Variants in FMNL2 observed in about 807,000 individuals in gnomAD.
FMNL2 encodes the protein formin like 2.
A neutral mutation model predicts 130.2 loss-of-function variants in FMNL2; 51 were observed. The ratio of observed to expected loss-of-function variants is 0.39; its 90% CI spans 0.31 to 0.49. FMNL2 has a LOEUF of 0.49. FMNL2 is among the 20% of genes least tolerant of loss of function. The pLI, the probability that FMNL2 is intolerant of heterozygous loss-of-function variation, is 0.85. For missense variants in FMNL2, 977 were observed against 1,316.2 expected, an observed-to-expected ratio of 0.74 and a Z score of 3.99; for synonymous variants, 465 against 467.1, an observed-to-expected ratio of 1.00 and a Z score of 0.06.
At chr2:152,471,183 C>T (rs185471191) in intron 1 of FMNL2, among the ~76,000 whole-genome samples, 37 of 151,406 alleles carry the variant, frequency 2.4e-4, no homozygotes, top group East Asian at 2.1e-3. Flanking sequence ...AAGTCCCGTA[C>T]GCTGTCGTTT....
At chr2:152,527,144 AG>A (rs1205086319) in intron 2 of FMNL2, among the ~76,000 whole-genome samples, 1 of 152,142 alleles carries the variant, frequency 6.6e-6, no homozygotes, top group Non-Finnish European at 1.5e-5. Context: ...CCTGTTTCCT[AG>A]GGGTGCCTTA....
At chr2:152,620,849 C>T (rs779972006) in intron 15 of FMNL2, 250 of 851,802 alleles carry the variant, frequency 2.9e-4, no homozygotes, top group Non-Finnish European at 3.3e-4. Context: ...TCCACCCCGA[C>T]TTCTATATAA....
intron 2 of FMNL2, among the ~76,000 whole-genome samples, chr2:152,525,807 G>A (rs1053924288): frequency 2.6e-5 from 4 of 152,174 alleles, no homozygotes. Flanking sequence ...AGCCGGAGCA[G>A]AGTCAGGCCA....
At chr2:152,490,782 A>G (rs1045541581) in intron 1 of FMNL2, among the ~76,000 whole-genome samples, 4 of 151,904 alleles carry the variant, frequency 2.6e-5, no homozygotes, top group Non-Finnish European at 5.9e-5. Flanking sequence ...CAAGTTATTT[A>G]TGGACCAGTG....
At chr2:152,552,350 T>A (rs73968065) in intron 4 of FMNL2, among the ~76,000 whole-genome samples, 1 of 152,168 alleles carries the variant, frequency 6.6e-6, no homozygotes, top group Admixed American at 6.5e-5. Context: ...GAGAGTATTA[T>A]CATCTTTATC....
intron 1 of FMNL2, among the ~76,000 whole-genome samples, chr2:152,474,442 T>C (rs934069278): frequency 6.6e-6 from 1 of 152,228 alleles, no homozygotes; most frequent in Non-Finnish European, 1.5e-5. Flanking sequence ...CCCAGCATTT[T>C]GGGAGGCTGA....
intron 1 of FMNL2, among the ~76,000 whole-genome samples, chr2:152,382,383 G>C (rs939144697): frequency 2.0e-5 from 3 of 152,146 alleles, no homozygotes; most frequent in African/African-American, 7.2e-5. Context: ...ATGTGAGAGA[G>C]CCTGGCTTCT....
chr2:152,366,409 G>A lies in FMNL2; in HGVS notation c.117+30689G>A, dbSNP rs191575349. Among the ~76,000 whole-genome samples the A allele has an allele frequency of 7.1e-3, 1,083 of 151,660 alleles. 17 individuals are homozygous for A. The highest frequency in any genetic ancestry group is 0.025 in the African/African-American group (1,011 of 41,250). ...CATATGTAACAAACCTGCACGTTGT[G>A]CACATGAACCCTAAAACTTAAAGTA... On this transcript the variant is annotated intron_variant, in intron 1 of 25. Coordinates refer to ENST00000288670, the MANE Select transcript of FMNL2 (RefSeq NM_052905.4).
intron 1 of FMNL2, among the ~76,000 whole-genome samples, chr2:152,352,916 A>G (rs1682582234): frequency 6.6e-6 from 1 of 152,098 alleles, no homozygotes; most frequent in Non-Finnish European, 1.5e-5. Flanking sequence ...AAGAACAACC[A>G]TTATTATATT....
At chr2:152,389,604 G>C (rs535876266) in intron 1 of FMNL2, among the ~76,000 whole-genome samples, 2 of 152,144 alleles carry the variant, frequency 1.3e-5, no homozygotes, top group Admixed American at 6.5e-5. Context: ...TGTTGGGCCC[G>C]GCGTGACCCG....
chr2:152,555,820 CTGTT>C (rs1695174920), intron 4 of FMNL2, among the ~76,000 whole-genome samples: 1 of 152,198 alleles, frequency 6.6e-6, no homozygotes, highest in Non-Finnish European at 1.5e-5. Flanking sequence ...CAATTTGAAA[CTGTT>C]TGCCTATTGG....
chr2:152,436,499 A>G (rs1051326763), intron 1 of FMNL2, among the ~76,000 whole-genome samples: 5 of 152,132 alleles, frequency 3.3e-5, no homozygotes, highest in Admixed American at 2.0e-4. Context: ...ACACATCTCA[A>G]AATTTCAGTG....
intron 8 of FMNL2, among the ~76,000 whole-genome samples, chr2:152,579,513 A>G (rs1696660256): frequency 6.6e-6 from 1 of 152,336 alleles, no homozygotes; most frequent in East Asian, 1.9e-4. Context: ...CCTGGCTAAC[A>G]TGGTGAAACC....
chr2:152,400,823 A>C (rs1195056320), intron 1 of FMNL2, among the ~76,000 whole-genome samples: 2 of 152,230 alleles, frequency 1.3e-5, no homozygotes, highest in Non-Finnish European at 2.9e-5. Context: ...AGACTGCTGA[A>C]TATGCCCTGG....
At chr2:152,585,892 C>A (rs1462661435) in intron 9 of FMNL2, among the ~76,000 whole-genome samples, 1 of 143,008 alleles carries the variant, frequency 7.0e-6, no homozygotes, top group Non-Finnish European at 1.5e-5. Flanking sequence ...AAATGGCTTG[C>A]TTTTAAAAAG....
At chr2:152,529,088 G>A (rs1029596451) in intron 2 of FMNL2, among the ~76,000 whole-genome samples, 10 of 152,114 alleles carry the variant, frequency 6.6e-5, no homozygotes, top group Non-Finnish European at 1.3e-4. Flanking sequence ...TCTCTGCCAC[G>A]ATTACCAATT....
At chr2:152,502,274 T>C (rs964680355) in intron 1 of FMNL2, among the ~76,000 whole-genome samples, 2 of 152,252 alleles carry the variant, frequency 1.3e-5, no homozygotes, top group East Asian at 1.9e-4. Flanking sequence ...CGTCTATTCA[T>C]TGAATTCTTT....
chr2:152,445,496 C>T (rs1579681094), intron 1 of FMNL2, among the ~76,000 whole-genome samples: 1 of 152,178 alleles, frequency 6.6e-6, no homozygotes, highest in Admixed American at 6.5e-5. Flanking sequence ...TGGCTAGTGT[C>T]ACTGGGGAAC....
intron 1 of FMNL2, among the ~76,000 whole-genome samples, chr2:152,406,671 C>T (rs1685999673): frequency 6.6e-6 from 1 of 152,134 alleles, no homozygotes; most frequent in Non-Finnish European, 1.5e-5. Context: ...ATTATCACCT[C>T]CATTTTACAG....
Sources: gnomAD v4.1 joint callset for allele counts (sites outside exome capture counted in the v4.1 genomes callset) on GRCh38, gnomAD v4.1.1 for gene constraint, MANE v1.5 for transcripts, NCBI Gene and HGNC (gene_info 2026-07-23, HGNC 2026-07-21) for gene names.